Variants in GBE1 observed in about 807,000 individuals in gnomAD.
GBE1 encodes the protein 1,4-alpha-glucan branching enzyme 1, also known as 1,4-alpha-glucan-branching enzyme.
GBE1 carries 70 observed loss-of-function variants against 88.8 expected under a neutral mutation model. That is an observed-to-expected ratio of 0.79 (90% CI 0.65 to 0.96). The LOEUF is 0.96. GBE1 is among the 40% of genes least tolerant of loss of function. The pLI, the probability that GBE1 is intolerant of heterozygous loss-of-function variation, is 0.00. For missense variants in GBE1, 872 were observed against 871.0 expected, an observed-to-expected ratio of 1.00 and a Z score of -0.01; for synonymous variants, 284 against 300.1, an observed-to-expected ratio of 0.95 and a Z score of 0.56.
chr3:81,579,133 T>C (rs1385575212), intron 11 of GBE1, among the ~76,000 whole-genome samples: 1 of 152,040 alleles, frequency 6.6e-6, no homozygotes, highest in Non-Finnish European at 1.5e-5. Context: ...TCATACCAAG[T>C]TGCCCTCTTA....
rs752845380 is a variant in GBE1 at position 81,761,571 on chromosome 3, G to A, written c.-54C>T. On this transcript the variant is annotated 5_prime_UTR_variant, in exon 1 of 16. Coordinates refer to ENST00000429644, the MANE Select transcript of GBE1 (RefSeq NM_000158.4). ...CCGAGAGGTCGAGTGGGGCCTGAGCGGGCGCTGGAGCTCTAGCTGGGACGC... is the reference window on the plus strand; with the variant it reads ...CCGAGAGGTCGAGTGGGGCCTGAGCAGGCGCTGGAGCTCTAGCTGGGACGC... 4 of 1,554,752 alleles carry A rather than the reference G, an allele frequency of 2.6e-6. No homozygotes were observed. Among genetic ancestry groups the A allele is most frequent in the Non-Finnish European group, 3.5e-6 (4 of 1,152,620 alleles).
intron 15 of GBE1, among the ~76,000 whole-genome samples, chr3:81,492,746 C>CT (rs201262203): frequency 0.097 from 13,143 of 135,346 alleles, 676 homozygotes; most frequent in East Asian, 0.24. Context: ...TTCTTTCTTT[C>CT]TTTTTTTTTT....
intron 7 of GBE1, among the ~76,000 whole-genome samples, chr3:81,598,230 C>CA (rs1004864984): frequency 6.6e-6 from 1 of 151,488 alleles, no homozygotes; most frequent in African/African-American, 2.4e-5. Context: ...GGCTAAATAT[C>CA]AAAAAAATAT....
intron 12 of GBE1, among the ~76,000 whole-genome samples, chr3:81,537,457 C>G (rs749411277): frequency 2.6e-5 from 4 of 152,030 alleles, no homozygotes; most frequent in Non-Finnish European, 5.9e-5. Context: ...TCTATAATCT[C>G]TGAAATCTGT....
At chr3:81,668,253 A>G (rs892689709) in intron 3 of GBE1, among the ~76,000 whole-genome samples, 6 of 152,182 alleles carry the variant, frequency 3.9e-5, no homozygotes, top group Non-Finnish European at 7.3e-5. Flanking sequence ...AGAACGGGTC[A>G]GTAGGTACAG....
chr3:81,563,747 T>C (rs1703452190), intron 12 of GBE1, among the ~76,000 whole-genome samples: 1 of 152,084 alleles, frequency 6.6e-6, no homozygotes, highest in Non-Finnish European at 1.5e-5. Context: ...AAAGTTTATA[T>C]ATTTCTATAT....
chr3:81,588,163 T>A (rs1411695817), intron 9 of GBE1, among the ~76,000 whole-genome samples: 7 of 151,764 alleles, frequency 4.6e-5, no homozygotes, highest in Non-Finnish European at 8.8e-5. Flanking sequence ...GTAGAATACA[T>A]CCATAAGAAA....
chr3:81,655,389 C>CATAAAAAAGAAA (rs1704919652), intron 3 of GBE1, among the ~76,000 whole-genome samples: 1 of 151,526 alleles, frequency 6.6e-6, no homozygotes, highest in Non-Finnish European at 1.5e-5. Context: ...GTGGAAGGAA[C>CATAAAAAAGAAA]ATAAAAAAGA....
At chr3:81,532,987 T>C (rs748006370) in intron 14 of GBE1, among the ~76,000 whole-genome samples, 16 of 152,078 alleles carry the variant, frequency 1.1e-4, no homozygotes, top group Non-Finnish European at 2.1e-4. Context: ...TGTTCTCCCA[T>C]GGAACATTCT....
chr3:81,620,899 G>A (rs1435444356), intron 7 of GBE1, among the ~76,000 whole-genome samples: 1 of 152,130 alleles, frequency 6.6e-6, no homozygotes, highest in Admixed American at 6.5e-5. Flanking sequence ...AGCAGAGGAG[G>A]AAGTGCATTC....
At chr3:81,643,065 T>TCACCATC in intron 6 of GBE1, 75 bp from the exon 7 acceptor site, 1 of 972,190 alleles carries the variant, frequency 1.0e-6, no homozygotes. Context: ...AGCAATTGTT[T>TCACCATC]CACCATCGCA....
chr3:81,581,247 C>T lies in GBE1; in HGVS notation c.1364G>A (p.Trp455Ter). ...CGTGTATACTATATCGCCCATGTTC[C>T]AGTCTTCATCTTTAAACTCTTTAAG... is the stretch of plus-strand genomic sequence containing the variant. ...QLLKEFKDEDWNMGDIVYTLT... is the reference protein window; with the variant it reads ...QLLKEFKDED Residue 455 changes from tryptophan to a stop codon, truncating the protein, a stop_gained, in exon 11 of 16, where the codon TGG becomes TAG. Transcript: ENST00000429644. LOFTEE classifies it high-confidence loss of function. The T allele has an allele frequency of 1.3e-6, 2 of 1,597,186 alleles. No individual in the cohort carries two copies. Among genetic ancestry groups the T allele is most frequent in the Non-Finnish European group, 1.7e-6 (2 of 1,173,524 alleles).
intron 7 of GBE1, among the ~76,000 whole-genome samples, chr3:81,635,443 G>A (rs1480034925): frequency 6.6e-6 from 1 of 152,014 alleles, no homozygotes; most frequent in Non-Finnish European, 1.5e-5. Flanking sequence ...GAAATTATAA[G>A]AAAAACCTAT....
chr3:81,705,972 G>C (rs1218961163), intron 1 of GBE1, among the ~76,000 whole-genome samples: 3 of 152,018 alleles, frequency 2.0e-5, no homozygotes, highest in Non-Finnish European at 2.9e-5. Flanking sequence ...TGATTCCTAA[G>C]AAAATGAAAT....
intron 14 of GBE1, among the ~76,000 whole-genome samples, chr3:81,513,940 A>G (rs1290896783): frequency 6.6e-6 from 1 of 151,704 alleles, no homozygotes; most frequent in East Asian, 1.9e-4. Flanking sequence ...CAAGCTAACC[A>G]CTATCCTTGC....
chr3:81,742,582 A>G (rs1706363560), intron 1 of GBE1, among the ~76,000 whole-genome samples: 1 of 152,178 alleles, frequency 6.6e-6, no homozygotes, highest in South Asian at 2.1e-4. Flanking sequence ...CCTTCTTAGG[A>G]AATCCACATC....
intron 7 of GBE1, among the ~76,000 whole-genome samples, chr3:81,624,304 A>G (rs1043882128): frequency 3.3e-5 from 5 of 152,158 alleles, no homozygotes; most frequent in African/African-American, 1.2e-4. Flanking sequence ...CTCCTTTGAC[A>G]CGTGGAGATT....
chr3:81,601,454 T>C (rs1012504774), intron 7 of GBE1, among the ~76,000 whole-genome samples: 2 of 152,184 alleles, frequency 1.3e-5, no homozygotes, highest in African/African-American at 2.4e-5. Context: ...TTTAAAACCC[T>C]GTAATTCCCA....
At chr3:81,549,181 C>T (rs373077097) in intron 12 of GBE1, among the ~76,000 whole-genome samples, 36 of 150,908 alleles carry the variant, frequency 2.4e-4, no homozygotes, top group African/African-American at 8.0e-4. Context: ...AGGTGTCCAC[C>T]ACCATGCCGA....
Sources: allele counts gnomAD v4.1 joint callset (sites outside exome capture counted in the v4.1 genomes callset), GRCh38; gene constraint gnomAD v4.1.1; transcripts MANE v1.5; gene names NCBI Gene and HGNC (gene_info 2026-07-23, HGNC 2026-07-21).